Variants in SLC44A3 observed in about 807,000 individuals in gnomAD.
SLC44A3 encodes the protein choline transporter-like protein 3.
Under a neutral mutation model 75.4 loss-of-function variants are expected in SLC44A3, and 74 were observed. The observed-to-expected ratio is 0.98, with a 90% CI of 0.81 to 1.19. The LOEUF (loss-of-function observed/expected upper bound fraction) is 1.19, where lower values mean the gene tolerates loss of function less well. SLC44A3 is among the 50% of genes most tolerant of loss of function. SLC44A3 has a pLI of 0.00. For synonymous variants in SLC44A3, 310 were observed against 296.9 expected, an observed-to-expected ratio of 1.04 and a Z score of -0.45; for missense variants, 700 against 778.6, an observed-to-expected ratio of 0.90 and a Z score of 1.20.
At chr1:94,820,505 G>C (rs1027119197) in intron 1 of SLC44A3, 27 bp downstream of exon 1, 17 of 1,488,210 alleles carry the variant, frequency 1.1e-5, no homozygotes, top group East Asian at 2.8e-5. Context: ...TCGGCCCTCG[G>C]GGGAGGAGCC....
Position 94,827,607 on chromosome 1 carries a change from T to A in SLC44A3, c.379T>A (p.Ser127Thr). The change falls in exon 4 of 15, where the codon TCC becomes ACC. Residue 127 changes from serine to threonine, a missense_variant. Coordinates refer to ENST00000271227, the MANE Select transcript of SLC44A3 (RefSeq NM_001114106.3). ...VSNCPEEQLDSLEEVQFFANT... is the reference protein window; with the variant it reads ...VSNCPEEQLDTLEEVQFFANT... ...CAACTGCCCTGAAGAGCAGCTTGAC[T>A]CCCTGGAAGAGGTCCAGTTCTTTGC... The A allele has an allele frequency of 6.2e-7, 1 of 1,614,184 alleles. No individual in the cohort carries two copies.
chr1:94,861,099 G>A (rs1301638475), intron 10 of SLC44A3, among the ~76,000 whole-genome samples: 1 of 152,168 alleles, frequency 6.6e-6, no homozygotes, highest in Non-Finnish European at 1.5e-5. Context: ...AAAAAAAGTT[G>A]TACAGGAAGG....
intron 12 of SLC44A3, among the ~76,000 whole-genome samples, chr1:94,881,118 G>A (rs1324012616): frequency 1.3e-5 from 2 of 152,096 alleles, no homozygotes; most frequent in Admixed American, 6.5e-5. Context: ...TCACTGCAAG[G>A]TGGACCAAAC....
intron 12 of SLC44A3, among the ~76,000 whole-genome samples, chr1:94,889,532 A>G (rs1669968607): frequency 9.0e-6 from 1 of 110,858 alleles, no homozygotes; most frequent in Non-Finnish European, 2.3e-5. Context: ...AATCACACAC[A>G]CACACACACA....
At chr1:94,858,980 A>C (rs1256685285) in intron 10 of SLC44A3, among the ~76,000 whole-genome samples, 1 of 152,048 alleles carries the variant, frequency 6.6e-6, no homozygotes, top group Non-Finnish European at 1.5e-5. Flanking sequence ...ATGAGCCACG[A>C]CACCCGGCCA....
intron 5 of SLC44A3, among the ~76,000 whole-genome samples, chr1:94,830,930 C>T (rs562092348): frequency 2.6e-5 from 4 of 152,226 alleles, no homozygotes; most frequent in South Asian, 4.1e-4. Flanking sequence ...CCTCAGAAAA[C>T]GTCTATATTG....
At chr1:94,878,283 G>A (rs1001055593) in intron 12 of SLC44A3, among the ~76,000 whole-genome samples, 1 of 151,944 alleles carries the variant, frequency 6.6e-6, no homozygotes, top group African/African-American at 2.4e-5. Flanking sequence ...GAGAAACTTG[G>A]TTGGGGCCCA....
At chr1:94,847,616 C>A (rs1401649517) in intron 9 of SLC44A3, among the ~76,000 whole-genome samples, 1 of 152,188 alleles carries the variant, frequency 6.6e-6, no homozygotes. Flanking sequence ...GTGGGCTCAG[C>A]CCTGGTCAGA....
intron 12 of SLC44A3, among the ~76,000 whole-genome samples, chr1:94,872,881 A>G (rs1244316273): frequency 3.9e-5 from 6 of 152,212 alleles, no homozygotes; most frequent in Non-Finnish European, 1.5e-5. Flanking sequence ...ATTTCTCTTC[A>G]TGATATACCT....
chr1:94,867,414 C>T lies in SLC44A3; in HGVS notation c.1479C>T (p.Asn493=), dbSNP rs146931711. Residue 493 remains asparagine (N), a synonymous_variant, in exon 12 of 15, where the codon AAC becomes AAT. Coordinates refer to ENST00000271227, the MANE Select transcript of SLC44A3 (RefSeq NM_001114106.3). The part of the protein sequence containing the change: ...WCLDKYLLHL[N]QNAYTTTAIN... Reference sequence around the variant, plus strand: ...TTGACAAATACCTGCTCCATCTCAACCAGGTACGTCTCTACCTCTTGCCTC... The same window carrying T: ...TTGACAAATACCTGCTCCATCTCAATCAGGTACGTCTCTACCTCTTGCCTC... 2 of 1,604,690 alleles carry T rather than the reference C, an allele frequency of 1.2e-6. No homozygotes were observed. The highest frequency in any genetic ancestry group is 1.3e-5 in the African/African-American group (1 of 74,568).
At chr1:94,846,809 C>G (rs1332016935) in intron 9 of SLC44A3, among the ~76,000 whole-genome samples, 1 of 152,334 alleles carries the variant, frequency 6.6e-6, no homozygotes, top group African/African-American at 2.4e-5. Flanking sequence ...GATGCAGTTC[C>G]TTAATGTTTT....
intron 5 of SLC44A3, among the ~76,000 whole-genome samples, chr1:94,830,528 A>T (rs2100971810): frequency 6.6e-6 from 1 of 152,276 alleles, no homozygotes; most frequent in East Asian, 1.9e-4. Context: ...TCTTATTTTT[A>T]AAATTCTGGT....
At chr1:94,881,458 G>A (rs555967194) in intron 12 of SLC44A3, among the ~76,000 whole-genome samples, 30 of 151,938 alleles carry the variant, frequency 2.0e-4, no homozygotes, top group South Asian at 8.3e-4. Context: ...TAATCCCAGC[G>A]CTTTGGGAGG....
chr1:94,891,363 C>T (rs1670188259), intron 13 of SLC44A3, 96 bp downstream of exon 13: 1 of 1,264,710 alleles, frequency 7.9e-7, no homozygotes, highest in Non-Finnish European at 1.1e-6. Context: ...TGAGTACTTA[C>T]TCTATAGTGG....
At chr1:94,837,936 A>G in intron 6 of SLC44A3, 65 bp downstream of exon 6, 3 of 1,326,890 alleles carry the variant, frequency 2.3e-6, no homozygotes, top group Non-Finnish European at 2.0e-6. Flanking sequence ...AGCATTTTAT[A>G]TGTTGTACAA....
chr1:94,868,368 A>AG, intron 12 of SLC44A3, among the ~76,000 whole-genome samples: 1 of 152,330 alleles, frequency 6.6e-6, no homozygotes, highest in Admixed American at 6.5e-5. Flanking sequence ...ATGTCTTTTA[A>AG]GGGGTATTTA....
At chr1:94,841,657 C>G (rs994014296) in intron 7 of SLC44A3, among the ~76,000 whole-genome samples, 1 of 152,198 alleles carries the variant, frequency 6.6e-6, no homozygotes, top group African/African-American at 2.4e-5. Context: ...AGACAGTGAG[C>G]TCTGGCATTG....
chr1:94,893,103 G>C (rs1184060140), intron 14 of SLC44A3, among the ~76,000 whole-genome samples: 1 of 152,312 alleles, frequency 6.6e-6, no homozygotes, highest in East Asian at 1.9e-4. Context: ...AACAGCCTTT[G>C]CAACACAGTT....
In SLC44A3 at chr1:94,867,330, G is replaced by A; in HGVS notation, c.1396-1G>A. The A allele has an allele frequency of 1.3e-6, 2 of 1,578,658 alleles. No individual in the cohort carries two copies. The highest frequency in any genetic ancestry group is 1.2e-5 in the South Asian group (1 of 86,288). On this transcript the variant is annotated splice_acceptor_variant, in intron 11 of 14. Transcript: ENST00000271227. LOFTEE classifies it high-confidence loss of function. Reference sequence around the variant, plus strand: ...GTTCCTTTGTTCTCAACCTGATCCAGCAGCATGGTGCATTGTCCAGGTACC... The same window carrying A: ...GTTCCTTTGTTCTCAACCTGATCCAACAGCATGGTGCATTGTCCAGGTACC...
Sources: allele counts gnomAD v4.1 joint callset (sites outside exome capture counted in the v4.1 genomes callset), GRCh38; gene constraint gnomAD v4.1.1; transcripts MANE v1.5; gene names NCBI Gene and HGNC (gene_info 2026-07-23, HGNC 2026-07-21).